Variants in SPG21 observed in about 807,000 individuals in gnomAD.
SPG21 encodes the protein maspardin.
In SPG21, 26 loss-of-function variants were observed where a neutral mutation model predicts 38.9. That is an observed-to-expected ratio of 0.67 (90% CI 0.49 to 0.93). The LOEUF is 0.93. Ranked by LOEUF, SPG21 falls within the 40% of genes least tolerant of loss-of-function variation. The pLI, the probability that SPG21 is intolerant of heterozygous loss-of-function variation, is 0.00. For missense variants in SPG21, 333 were observed against 376.5 expected, an observed-to-expected ratio of 0.88 and a Z score of 0.96; for synonymous variants, 136 against 128.9, an observed-to-expected ratio of 1.05 and a Z score of -0.37.
chr15:64,980,988 A>G lies in SPG21; in HGVS notation c.101T>C (p.Leu34Pro). 1 of 1,614,218 alleles carries G rather than the reference A, an allele frequency of 6.2e-7. No homozygotes were observed. The highest frequency in any genetic ancestry group is 8.5e-7 in the Non-Finnish European group (1 of 1,180,040). The change falls in exon 3 of 9, where the codon CTC becomes CCC. Residue 34 changes from leucine to proline, a missense_variant. Leu to Pro is a moderately conservative substitution (Grantham distance 98, BLOSUM62 -3). Coordinates refer to ENST00000204566, the MANE Select transcript of SPG21 (RefSeq NM_016630.7). The stretch of plus-strand genomic sequence containing the variant: ...GATACTTCGGGGGCCCGCGTCATAG[A>G]GCGACCATATCTTACTGTCATCATC... ...VDDDDSKIWSLYDAGPRSIRC... is the reference protein window; with the variant it reads ...VDDDDSKIWSPYDAGPRSIRC...
At position 64,976,484 on chromosome 15, in the gene SPG21, T is replaced by C. The variant is rs1003576216; in HGVS notation, c.297A>G (p.Gln99=). The C allele has an allele frequency of 4.3e-6, 7 of 1,610,764 alleles. No individual in the cohort carries two copies. The highest frequency in any genetic ancestry group is 4.5e-5 in the East Asian group (2 of 44,858). The change falls in exon 4 of 9, where the codon CAA becomes CAG. Residue 99 remains glutamine, a synonymous_variant. Coordinates refer to ENST00000204566, the MANE Select transcript of SPG21 (RefSeq NM_016630.7). ...GTTTCAGGGTACTCACTTTATCCAATTGTAAATGGTCTAAAAGTTTTCTGA... is the reference window on the plus strand; with the variant it reads ...GTTTCAGGGTACTCACTTTATCCAACTGTAAATGGTCTAAAAGTTTTCTGA... The part of the protein sequence containing the change: ...DGFRKLLDHL[Q]LDKVHLFGAS...
chr15:64,981,849 A>G (rs540384809), intron 2 of SPG21, among the ~76,000 whole-genome samples: 48 of 152,342 alleles, frequency 3.2e-4, no homozygotes, highest in Middle Eastern at 3.4e-3. Context: ...ACATTTGACA[A>G]TGCAAATCAG....
rs2085634835 is a variant in SPG21 at position 64,970,205 on chromosome 15, G to A, written c.470C>T (p.Ala157Val). 1 of 1,613,788 alleles carries A rather than the reference G, an allele frequency of 6.2e-7. No homozygotes were observed. Among genetic ancestry groups the A allele is most frequent in the Non-Finnish European group, 8.5e-7 (1 of 1,179,954 alleles). The change falls in exon 6 of 9, where the codon GCA becomes GTA. Residue 157 changes from alanine to valine, a missense_variant. Coordinates refer to ENST00000204566, the MANE Select transcript of SPG21 (RefSeq NM_016630.7). ...AAGAACTATTTTTTTGAGCATAAAT[G>A]CAGGCATCAGCCAAAAGCTGTAAAA... ...WTANSFWLMP[A>V]FMLKKIVLGN...
chr15:64,974,560 T>G (rs758348250), intron 5 of SPG21, 42 bp downstream of exon 5: 28 of 1,612,698 alleles, frequency 1.7e-5, no homozygotes, highest in Non-Finnish European at 2.3e-5. Flanking sequence ...AAGCCAACAT[T>G]TTCAAAATTT....
rs571280994 is a variant in SPG21, at chr15:64,971,573, CTCA to C, written c.453-1354_453-1352del. Among the ~76,000 whole-genome samples the C allele has an allele frequency of 5.7e-3, 864 of 151,354 alleles. 8 individuals carry two copies. Among genetic ancestry groups the C allele is most frequent in the African/African-American group, 0.02 (806 of 41,166 alleles). ...AAATTTACTGAGCCAGGCGCAATGGCTCATGCCTGTAATCCAGAACTTTGGGAG... is the reference window on the plus strand; with the variant it reads ...AAATTTACTGAGCCAGGCGCAATGGCTGCCTGTAATCCAGAACTTTGGGAG... On this transcript the variant is annotated intron_variant, in intron 5 of 8. Transcript: ENST00000204566.
intron 1 of SPG21, among the ~76,000 whole-genome samples, chr15:64,985,496 T>C (rs1190389160): frequency 5.3e-5 from 8 of 152,210 alleles, no homozygotes; most frequent in Non-Finnish European, 1.5e-5. Flanking sequence ...CTGTGCTATG[T>C]CATAACAGGA....
intron 3 of SPG21, among the ~76,000 whole-genome samples, chr15:64,977,126 C>T (rs1355710299): frequency 2.0e-5 from 3 of 152,272 alleles, no homozygotes; most frequent in East Asian, 1.9e-4. Context: ...AGTGCAGCGG[C>T]GCGATCTCGA....
At position 64,981,018 on chromosome 15, in the gene SPG21, A is replaced by C; in HGVS notation, c.71T>G (p.Val24Gly). The change falls in exon 3 of 9, where the codon GTG becomes GGG. Residue 24 changes from valine (V) to glycine (G), a missense_variant. Coordinates refer to ENST00000204566, the MANE Select transcript of SPG21 (RefSeq NM_016630.7). ...CCATATCTTACTGTCATCATCATCCACAATAATCTGGAGGGAAGGTTAAAA... is the reference window on the plus strand; with the variant it reads ...CCATATCTTACTGTCATCATCATCCCCAATAATCTGGAGGGAAGGTTAAAA... The part of the protein sequence containing the change: ...RGTVPLKKII[V>G]DDDDSKIWSL... The C allele has an allele frequency of 6.2e-7, 1 of 1,614,152 alleles. No homozygotes were observed. Among genetic ancestry groups the C allele is most frequent in the African/African-American group, 1.3e-5 (1 of 75,040 alleles).
At chr15:64,966,751 T>G (rs1015827930) in intron 7 of SPG21, among the ~76,000 whole-genome samples, 1 of 151,948 alleles carries the variant, frequency 6.6e-6, no homozygotes, top group Non-Finnish European at 1.5e-5. Context: ...TACAAAAAAT[T>G]AGCTGGGCGT....
At chr15:64,985,937 A>C (rs1020321384) in intron 1 of SPG21, among the ~76,000 whole-genome samples, 4 of 152,226 alleles carry the variant, frequency 2.6e-5, no homozygotes, top group South Asian at 2.1e-4. Context: ...TGGTAATTTT[A>C]GAGAAGTGTG....
chr15:64,978,911 A>T (rs2085833940), intron 3 of SPG21, among the ~76,000 whole-genome samples: 1 of 152,244 alleles, frequency 6.6e-6, no homozygotes, highest in Admixed American at 6.5e-5. Flanking sequence ...AAGGTTCGGC[A>T]GAAACTGGGG....
At chr15:64,964,463 A>C (rs1265680433) in intron 8 of SPG21, among the ~76,000 whole-genome samples, 1 of 151,946 alleles carries the variant, frequency 6.6e-6, no homozygotes, top group Non-Finnish European at 1.5e-5. Context: ...AAGGGATATG[A>C]CTGGTTTTTG....
At chr15:64,972,049 A>C (rs1417776925) in intron 5 of SPG21, among the ~76,000 whole-genome samples, 6 of 152,162 alleles carry the variant, frequency 3.9e-5, no homozygotes, top group Non-Finnish European at 8.8e-5. Flanking sequence ...GCCATCATGG[A>C]GGGCAAACAC....
chr15:64,983,621 G>C, intron 1 of SPG21, 28 bp from the exon 2 acceptor site: 1 of 1,334,904 alleles, frequency 7.5e-7, no homozygotes, highest in Non-Finnish European at 1.1e-6. Context: ...GATATTTCAC[G>C]TCAAGAATTC....
intron 7 of SPG21, among the ~76,000 whole-genome samples, chr15:64,968,537 G>A (rs899460854): frequency 1.3e-5 from 2 of 152,076 alleles, no homozygotes; most frequent in African/African-American, 4.8e-5. Flanking sequence ...AGAGGCCGGG[G>A]GAAGAAAGGG....
At chr15:64,974,551 AGC>A in intron 5 of SPG21, 49 bp downstream of exon 5, 1 of 1,608,364 alleles carries the variant, frequency 6.2e-7, no homozygotes, top group South Asian at 1.1e-5. Context: ...AACACTCAAA[AGC>A]CAACATTTTC....
chr15:64,977,624 T>C (rs528649945), intron 3 of SPG21, among the ~76,000 whole-genome samples: 1 of 152,060 alleles, frequency 6.6e-6, no homozygotes, highest in South Asian at 2.1e-4. Context: ...CCTCAAGCAA[T>C]ATAACTGCCT....
chr15:64,968,027 T>C (rs748430587), intron 7 of SPG21, among the ~76,000 whole-genome samples: 2 of 152,124 alleles, frequency 1.3e-5, no homozygotes, highest in African/African-American at 4.8e-5. Flanking sequence ...TAAACCAACA[T>C]TGGTTTTATT....
intron 1 of SPG21, among the ~76,000 whole-genome samples, chr15:64,985,494 T>C (rs1195749523): frequency 1.3e-5 from 2 of 152,246 alleles, no homozygotes; most frequent in African/African-American, 4.8e-5. Flanking sequence ...ATCTGTGCTA[T>C]GTCATAACAG....
Sources: gnomAD v4.1 joint callset for allele counts (sites outside exome capture counted in the v4.1 genomes callset) on GRCh38, gnomAD v4.1.1 for gene constraint, MANE v1.5 for transcripts, NCBI Gene and HGNC (gene_info 2026-07-23, HGNC 2026-07-21) for gene names.